Variants in DCK observed in about 807,000 individuals in gnomAD.
DCK encodes the protein deoxycytidine kinase, also known as deoxyadenosine kinase.
In DCK, 23 loss-of-function variants were observed where a neutral mutation model predicts 38.3. The observed-to-expected ratio is 0.60, with a 90% CI of 0.43 to 0.85. The LOEUF (loss-of-function observed/expected upper bound fraction) is 0.85, where lower values mean the gene tolerates loss of function less well. Ranked by LOEUF, DCK falls within the 40% of genes least tolerant of loss-of-function variation. The pLI, the probability that DCK is intolerant of heterozygous loss-of-function variation, is 0.00. For missense variants in DCK, 259 were observed against 304.4 expected (o/e 0.85, Z 1.11); for synonymous variants, 108 against 100.6 (o/e 1.07, Z -0.44).
intron 2 of DCK, among the ~76,000 whole-genome samples, chr4:71,012,521 G>A (rs1397819094): frequency 6.6e-6 from 1 of 152,224 alleles, no homozygotes; most frequent in African/African-American, 2.4e-5. Context: ...CCCCCCAGTA[G>A]GGGGAGACTG....
intron 6 of DCK, among the ~76,000 whole-genome samples, chr4:71,027,971 G>A (rs930461462): frequency 1.3e-5 from 2 of 152,050 alleles, no homozygotes; most frequent in Non-Finnish European, 2.9e-5. Flanking sequence ...TCTTATTAAG[G>A]TATTTTTACA....
rs1739599300 is a variant in DCK at position 70,993,892 on chromosome 4, C to G, written c.57C>G (p.Thr19=). The part of the protein sequence containing the change: ...CPSFSASSEG[T]RIKKISIEGN... The stretch of plus-strand genomic sequence containing the variant: ...CTTTCTCAGCCAGCTCTGAGGGGAC[C>G]CGCATCAAGAAAATCTCCATCGAAG... Residue 19 remains threonine, a synonymous_variant, in exon 1 of 7, where the codon ACC becomes ACG. Transcript: ENST00000286648. The G allele has an allele frequency of 6.2e-7, 1 of 1,613,892 alleles. No homozygotes were observed. Among genetic ancestry groups the G allele is most frequent in the Admixed American group, 1.7e-5 (1 of 60,006 alleles).
chr4:71,009,204 TAAC>T (rs1740027406), intron 2 of DCK, among the ~76,000 whole-genome samples: 2 of 152,222 alleles, frequency 1.3e-5, no homozygotes, highest in Admixed American at 1.3e-4. Context: ...CTTTTTAAAA[TAAC>T]AATCCCTTGG....
chr4:71,018,487 G>GT lies in DCK; in HGVS notation c.208-3870dup, dbSNP rs113828217. Among the ~76,000 whole-genome samples the GT allele has an allele frequency of 2.3e-3, 342 of 151,844 alleles. 1 individual carries two copies. The highest frequency in any genetic ancestry group is 8.0e-3 in the African/African-American group (331 of 41,180). Reference sequence around the variant, plus strand: ...GAATTAATTGGGCCAAAAGGTACAGGTTTTTTTTTTCCCACAAATGTAGCT... The same window carrying GT: ...GAATTAATTGGGCCAAAAGGTACAGGTTTTTTTTTTTCCCACAAATGTAGCT... On this transcript the variant is annotated intron_variant, in intron 2 of 6. Coordinates refer to ENST00000286648, the MANE Select transcript of DCK (RefSeq NM_000788.3).
chr4:71,029,570 T>TTAAAA lies in DCK; in HGVS notation c.*192_*193insTAAAA. ...AGTTTCTTTTCTTTTGTTTTTTTTT[T>TTAAAA]AAAAAAGACATTTAAAGACAAAGAC... On this transcript the variant is annotated 3_prime_UTR_variant, in exon 7 of 7. Transcript: ENST00000286648. 1.8e-6 allele frequency: 1 copy of TTAAAA among 547,586 alleles called. No individual in the cohort carries two copies. Among genetic ancestry groups the TTAAAA allele is most frequent in the Non-Finnish European group, 3.3e-6 (1 of 307,320 alleles). 33.9% of individuals were successfully genotyped at this position (547,586 alleles called of 1,614,324 possible). A position where few individuals can be genotyped will look rare whatever the true frequency, so the allele number is the denominator to read the frequency against.
chr4:71,026,131 G>A (rs1740542468), intron 5 of DCK, among the ~76,000 whole-genome samples, 200 bp downstream of exon 5: 1 of 151,976 alleles, frequency 6.6e-6, no homozygotes, highest in Admixed American at 6.6e-5. Flanking sequence ...TTTATAACTA[G>A]TATCCCTTGG....
intron 6 of DCK, 140 bp downstream of exon 6, chr4:71,026,895 G>C: frequency 2.0e-6 from 1 of 496,728 alleles, no homozygotes; most frequent in Non-Finnish European, 3.6e-6. Flanking sequence ...ATTTTGGACT[G>C]TTTAAGATTC....
chr4:71,017,928 A>C (rs1740314041), intron 2 of DCK, among the ~76,000 whole-genome samples: 1 of 152,060 alleles, frequency 6.6e-6, no homozygotes, highest in South Asian at 2.1e-4. Context: ...TAAAGTATAA[A>C]AAAAAAATTT....
intron 3 of DCK, among the ~76,000 whole-genome samples, chr4:71,023,144 A>G (rs1222244339): frequency 6.6e-6 from 1 of 152,218 alleles, no homozygotes; most frequent in Non-Finnish European, 1.5e-5. Context: ...ATATAAATAC[A>G]TTTGACAAAA....
chr4:71,022,596 T>C, intron 3 of DCK, 36 bp downstream of exon 3: 1 of 1,282,978 alleles, frequency 7.8e-7, no homozygotes. Flanking sequence ...CCATTTGAAG[T>C]TTTTATCTTA....
rs562537017 is a variant in DCK at position 71,007,128 on chromosome 4, C to T, written c.207+8946C>T. Among the ~76,000 whole-genome samples, 19 of 152,252 alleles carry T rather than the reference C, an allele frequency of 1.2e-4. 1 individual carries two copies. The highest frequency in any genetic ancestry group is 1.0e-3 in the Admixed American group (16 of 15,302). On this transcript the variant is annotated intron_variant, in intron 2 of 6. Transcript: ENST00000286648. ...GGGCCTAATTCAGTACACCCCAATC[C>T]TTAGGATATCCAGGACTAAATCTTA...
At chr4:71,011,615 C>T (rs963978399) in intron 2 of DCK, among the ~76,000 whole-genome samples, 1 of 152,192 alleles carries the variant, frequency 6.6e-6, no homozygotes, top group African/African-American at 2.4e-5. Flanking sequence ...GCCTCGGCCT[C>T]CCAAAGTGCT....
chr4:71,019,894 C>G (rs553687669), intron 2 of DCK, among the ~76,000 whole-genome samples: 1 of 152,214 alleles, frequency 6.6e-6, no homozygotes, highest in East Asian at 1.9e-4. Flanking sequence ...TCAAGTGATT[C>G]TCCTGTCTCA....
intron 2 of DCK, among the ~76,000 whole-genome samples, chr4:71,017,465 C>A (rs1341005696): frequency 2.0e-5 from 3 of 152,038 alleles, no homozygotes; most frequent in African/African-American, 2.4e-5. Context: ...TGCTGCTATA[C>A]AGACACATGC....
chr4:71,013,217 T>C (rs572555351), intron 2 of DCK, among the ~76,000 whole-genome samples: 2 of 151,172 alleles, frequency 1.3e-5, no homozygotes, highest in African/African-American at 4.9e-5. Flanking sequence ...GAAAAAAGAG[T>C]AAAAAGAAAT....
chr4:71,019,996 C>CA (rs1740374370), intron 2 of DCK, among the ~76,000 whole-genome samples: 1 of 152,168 alleles, frequency 6.6e-6, no homozygotes, highest in Admixed American at 6.5e-5. Flanking sequence ...CCATGTTGGC[C>CA]AAGCTGGTCT....
At chr4:71,004,716 G>A (rs997641143) in intron 2 of DCK, among the ~76,000 whole-genome samples, 1 of 152,220 alleles carries the variant, frequency 6.6e-6, no homozygotes, top group Non-Finnish European at 1.5e-5. Context: ...GCTGTGGTGG[G>A]CTCTGCCCAG....
chr4:71,015,934 G>T (rs1355037863), intron 2 of DCK, among the ~76,000 whole-genome samples: 3 of 152,166 alleles, frequency 2.0e-5, no homozygotes, highest in African/African-American at 7.2e-5. Flanking sequence ...TCTGGCCAGG[G>T]TAATCAGGTA....
At chr4:71,007,065 C>T (rs1159785023) in intron 2 of DCK, among the ~76,000 whole-genome samples, 1 of 152,242 alleles carries the variant, frequency 6.6e-6, no homozygotes, top group Non-Finnish European at 1.5e-5. Flanking sequence ...CTTTTTCATA[C>T]ACCTTCTATT....
Sources: allele counts gnomAD v4.1 joint callset (sites outside exome capture counted in the v4.1 genomes callset), GRCh38; gene constraint gnomAD v4.1.1; transcripts MANE v1.5; gene names NCBI Gene and HGNC (gene_info 2026-07-23, HGNC 2026-07-21).